PRKN: variants seen among roughly 807,000 people sequenced by gnomAD.
PRKN encodes E3 ubiquitin-protein ligase parkin.
A neutral mutation model predicts 59.5 loss-of-function variants in PRKN; 56 were observed. That is an observed-to-expected ratio of 0.94 (90% CI 0.76 to 1.18). PRKN has a LOEUF of 1.18. PRKN is among the 50% of genes most tolerant of loss of function. The pLI is 0.00. For synonymous variants in PRKN, 250 were observed against 222.1 expected (o/e 1.13, Z -1.12); for missense variants, 657 against 596.4 (o/e 1.10, Z -1.06).
rs1338078283 is a variant in PRKN, at chr6:162,453,987, A to G, written c.8-10514T>C. Among the ~76,000 whole-genome samples, 3 of 152,166 alleles carry G rather than the reference A, an allele frequency of 2.0e-5. No homozygotes were observed. In the East Asian group the frequency reaches 5.8e-4, roughly 29 times the overall value. ...AGATGACAAAGAAAGGAGAAGAAAG[A>G]CTGGATGATAACTAGAGAGGGTTTG... On this transcript the variant is annotated intron_variant, in intron 1 of 11. Transcript: ENST00000366898.
intron 1 of PRKN, among the ~76,000 whole-genome samples, chr6:162,539,062 TA>T (rs1778825271): frequency 6.6e-6 from 1 of 152,190 alleles, no homozygotes; most frequent in Non-Finnish European, 1.5e-5. Context: ...GCCTTAATTC[TA>T]AACAGGAGCA....
At chr6:162,223,612 G>GACACACAC (rs34881644) in intron 3 of PRKN, among the ~76,000 whole-genome samples, 179 of 129,298 alleles carry the variant, frequency 1.4e-3, no homozygotes, top group African/African-American at 4.1e-3. Context: ...ATAGACACGT[G>GACACACAC]ACACACACAC....
rs1490558765 is a variant in PRKN at position 161,371,460 on chromosome 6, C to T, written c.1168-11255G>A. On this transcript the variant is annotated intron_variant, in intron 10 of 11. Transcript: ENST00000366898. This position sits in a 1 kb window ranked among gnomAD's most constrained non-coding sequence, Gnocchi z 5.5. ...GATTACAGGTGTGAGCCACTGCGCC[C>T]GGCCTATTTTGTTATTTTTTTTAAG... 2.2e-5 allele frequency among the ~76,000 whole-genome samples: 3 copies of T among 139,336 alleles called. No homozygotes were observed. The highest frequency in any genetic ancestry group is 3.2e-5 in the Non-Finnish European group (2 of 63,288). 91.4% of individuals were successfully genotyped at this position (139,336 alleles called of 152,430 possible).
At position 162,363,954 on chromosome 6, in the gene PRKN, C is replaced by T. The variant is rs6455812; in HGVS notation, c.171+79356G>A. Reference sequence around the variant, plus strand: ...ACAGTAGTCCCAGCTCAGTATTCACCGGCTGTGATGCAAATCCACCCATGA... The same window carrying T: ...ACAGTAGTCCCAGCTCAGTATTCACTGGCTGTGATGCAAATCCACCCATGA... On this transcript the variant is annotated intron_variant, in intron 2 of 11. Coordinates refer to ENST00000366898, the MANE Select transcript of PRKN (RefSeq NM_004562.3). 7.5e-3 allele frequency among the ~76,000 whole-genome samples: 1,141 copies of T among 152,282 alleles called. 3 individuals are homozygous for T. Among genetic ancestry groups the T allele is most frequent in the African/African-American group, 0.019 (807 of 41,572 alleles).
At chr6:161,672,570 G>A (rs974451060) in intron 7 of PRKN, among the ~76,000 whole-genome samples, 3 of 152,190 alleles carry the variant, frequency 2.0e-5, no homozygotes, top group Admixed American at 1.3e-4. Flanking sequence ...GAGGTCAGGA[G>A]TTCGAGACCA....
chr6:162,256,590 G>A (rs559626999), intron 3 of PRKN, among the ~76,000 whole-genome samples: 9 of 152,188 alleles, frequency 5.9e-5, no homozygotes, highest in Non-Finnish European at 8.8e-5. Flanking sequence ...CTGCCTCCAC[G>A]CTCATTCCTG....
intron 2 of PRKN, among the ~76,000 whole-genome samples, chr6:162,331,081 C>A (rs888711082): frequency 1.4e-4 from 22 of 151,944 alleles, no homozygotes; most frequent in African/African-American, 4.1e-4. Flanking sequence ...GTAATCCCAG[C>A]ACTTTGGGAG....
At chr6:162,407,622 T>C (rs891888068) in intron 2 of PRKN, among the ~76,000 whole-genome samples, 1 of 152,168 alleles carries the variant, frequency 6.6e-6, no homozygotes, top group Admixed American at 6.5e-5. Context: ...AATTATTACA[T>C]AACAAAGAAT....
chr6:162,205,640 C>A (rs1200101417), intron 3 of PRKN, among the ~76,000 whole-genome samples: 1 of 152,114 alleles, frequency 6.6e-6, no homozygotes, highest in African/African-American at 2.4e-5. Context: ...ATATTTATCA[C>A]ATGAGCTATT....
intron 6 of PRKN, among the ~76,000 whole-genome samples, chr6:161,853,374 T>C (rs1793515154): frequency 6.6e-6 from 1 of 152,190 alleles, no homozygotes; most frequent in Non-Finnish European, 1.5e-5. Flanking sequence ...ACAGTTTCAA[T>C]AAACAGTCCA....
intron 9 of PRKN, among the ~76,000 whole-genome samples, chr6:161,509,290 T>G (rs1778291071): frequency 6.6e-6 from 1 of 152,044 alleles, no homozygotes; most frequent in Admixed American, 6.5e-5. Flanking sequence ...TTCTCAGCAG[T>G]GCTTGAGAAA....
intron 4 of PRKN, among the ~76,000 whole-genome samples, chr6:162,170,547 A>G (rs755489989): frequency 2.6e-5 from 4 of 152,230 alleles, no homozygotes; most frequent in Admixed American, 6.5e-5. Flanking sequence ...AATAAATTCT[A>G]CTGCATTCTT....
chr6:161,872,611 C>T (rs889980115), intron 6 of PRKN, among the ~76,000 whole-genome samples: 1 of 152,032 alleles, frequency 6.6e-6, no homozygotes, highest in Non-Finnish European at 1.5e-5. Context: ...CTGATACCCA[C>T]AATGCTTAAT....
At chr6:162,365,143 A>T (rs921854511) in intron 2 of PRKN, among the ~76,000 whole-genome samples, 4 of 151,966 alleles carry the variant, frequency 2.6e-5, no homozygotes, top group East Asian at 1.9e-4. Flanking sequence ...TCCATAATTT[A>T]AAAAAATCAC....
Position 161,348,405 on chromosome 6 carries a change from G to A in PRKN, c.*1694C>T, listed in dbSNP as rs16892481. The A allele has an allele frequency of 0.012, 2,652 of 223,008 alleles. 16 individuals are homozygous for A. Among genetic ancestry groups the A allele is most frequent in the Non-Finnish European group, 0.016 (1,792 of 111,662 alleles). 13.8% of individuals were successfully genotyped at this position (223,008 alleles called of 1,614,324 possible). A position where few individuals can be genotyped will look rare whatever the true frequency, so the allele number is the denominator to read the frequency against. ...TTCCTGTCACAGGTCTGTTGTCACC[G>A]TGGGGCCATGTTGGAGTCGGTAGAT... is the stretch of plus-strand genomic sequence containing the variant. On this transcript the variant is annotated 3_prime_UTR_variant, in exon 12 of 12. Transcript: ENST00000366898. This position sits in a 1 kb window ranked among gnomAD's most constrained non-coding sequence, Gnocchi z 4.9.
chr6:161,954,259 CT>C (rs979958420), intron 6 of PRKN, among the ~76,000 whole-genome samples: 1 of 152,192 alleles, frequency 6.6e-6, no homozygotes, highest in African/African-American at 2.4e-5. Flanking sequence ...TGAGCAGTAT[CT>C]TCTTCATCAG....
At chr6:161,861,644 G>A (rs969082298) in intron 6 of PRKN, among the ~76,000 whole-genome samples, 8 of 148,872 alleles carry the variant, frequency 5.4e-5, no homozygotes, top group South Asian at 2.1e-4. Flanking sequence ...CCTTAGAGTC[G>A]TCAGTTGCAC....
chr6:161,744,092 T>G (rs1788313731), intron 7 of PRKN, among the ~76,000 whole-genome samples: 1 of 152,166 alleles, frequency 6.6e-6, no homozygotes, highest in Non-Finnish European at 1.5e-5. Flanking sequence ...TGGATTTTTA[T>G]ATGTATGAAT....
At chr6:161,984,635 A>G (rs1285205320) in intron 5 of PRKN, among the ~76,000 whole-genome samples, 2 of 152,158 alleles carry the variant, frequency 1.3e-5, no homozygotes, top group African/African-American at 4.8e-5. Context: ...ACTGCAAAAC[A>G]AGGATTTTCC....
Sources: gnomAD v4.1 joint callset for allele counts (sites outside exome capture counted in the v4.1 genomes callset) on GRCh38, gnomAD v4.1.1 for gene constraint, Gnocchi (gnomAD v3.1) non-coding constraint, MANE v1.5 for transcripts, NCBI Gene and HGNC (gene_info 2026-07-23, HGNC 2026-07-21) for gene names.